LYN: variants seen among roughly 807,000 people sequenced by gnomAD.
LYN encodes the protein LYN proto-oncogene, Src family tyrosine kinase, also known as tyrosine-protein kinase Lyn.
Under a neutral mutation model 65.0 loss-of-function variants are expected in LYN, and 12 were observed. That is an observed-to-expected ratio of 0.18 (90% CI 0.12 to 0.30). The LOEUF (loss-of-function observed/expected upper bound fraction) is 0.30. LYN is among the 10% of genes least tolerant of loss of function. The probability of loss-of-function intolerance (pLI) is 1.00; values close to 1 mark genes in which losing one functional copy is unlikely to be tolerated. For missense variants in LYN, 380 were observed against 623.2 expected, an observed-to-expected ratio of 0.61 and a Z score of 4.16; for synonymous variants, 222 against 221.2, an observed-to-expected ratio of 1.00 and a Z score of -0.03.
intron 10 of LYN, among the ~76,000 whole-genome samples, chr8:55,993,719 G>A (rs1205160649): frequency 6.6e-6 from 1 of 152,108 alleles, no homozygotes; most frequent in Non-Finnish European, 1.5e-5. Context: ...TTCAATTAGT[G>A]GTGGGGAAAT....
chr8:56,012,923 C>G lies in LYN; in HGVS notation c.*2813C>G, dbSNP rs1808856363. ...CCTGGTGAACATGAAGCTCACTGAA[C>G]CTAAAGGAGACTCACAGGCTAGAAA... On this transcript the variant is annotated 3_prime_UTR_variant, in exon 13 of 13. Transcript: ENST00000519728. The G allele has an allele frequency of 6.6e-6, 1 of 152,114 alleles. No individual in the cohort carries two copies. The allele number at this position is 152,114 out of a possible 1,614,324, so 9.4% of individuals were successfully genotyped here.
intron 1 of LYN, among the ~76,000 whole-genome samples, chr8:55,914,160 GGGAAATAAGAGAAAGGCA>G (rs1805720098): frequency 6.6e-6 from 1 of 151,908 alleles, no homozygotes; most frequent in Non-Finnish European, 1.5e-5. Context: ...TGAATGGCAT[GGGAAATAAGAGAAAGGCA>G]GGCCAGGTCA....
chr8:56,007,158 T>G (rs537949842), intron 12 of LYN, among the ~76,000 whole-genome samples: 17 of 152,226 alleles, frequency 1.1e-4, no homozygotes, highest in African/African-American at 4.1e-4. Context: ...ATGAGGGATC[T>G]CCAGGAAGGA....
At chr8:55,976,123 A>G (rs991501717) in intron 10 of LYN, among the ~76,000 whole-genome samples, 3 of 152,140 alleles carry the variant, frequency 2.0e-5, no homozygotes, top group Non-Finnish European at 4.4e-5. Context: ...AGGAGTGGGC[A>G]GAGTTTATCA....
At chr8:55,906,733 AAAG>A (rs1451686295) in intron 1 of LYN, among the ~76,000 whole-genome samples, 6 of 144,860 alleles carry the variant, frequency 4.1e-5, no homozygotes, top group South Asian at 2.1e-4. Context: ...AAGAAAAAAA[AAAG>A]AGAGAGAGAG....
At chr8:55,910,101 G>T (rs1805557219) in intron 1 of LYN, among the ~76,000 whole-genome samples, 1 of 151,606 alleles carries the variant, frequency 6.6e-6, no homozygotes, top group Non-Finnish European at 1.5e-5. Context: ...CAGGTTGTCG[G>T]TTCATTCCTG....
chr8:55,963,149 G>T (rs1178404447), intron 8 of LYN, among the ~76,000 whole-genome samples: 1 of 152,212 alleles, frequency 6.6e-6, no homozygotes, highest in Non-Finnish European at 1.5e-5. Flanking sequence ...CCCAGTTTGG[G>T]CTGCTATGAA....
At chr8:55,935,210 G>GA (rs113196835) in intron 1 of LYN, among the ~76,000 whole-genome samples, 19,674 of 151,738 alleles carry the variant, frequency 0.13, 1,463 homozygotes, top group Middle Eastern at 0.29. Context: ...GTTGCCTAAA[G>GA]AAAAAAAACA....
intron 1 of LYN, among the ~76,000 whole-genome samples, chr8:55,925,950 C>T (rs1806098148): frequency 6.6e-6 from 1 of 152,108 alleles, no homozygotes; most frequent in Admixed American, 6.5e-5. Flanking sequence ...TTTAATATTG[C>T]TTCCAAACAT....
Position 56,009,957 on chromosome 8 carries a change from G to A in LYN, c.1386G>A (p.Met462Ile), listed in dbSNP as rs771766572. The change falls in exon 13 of 13, where the codon ATG becomes ATA. Residue 462 changes from methionine (M) to isoleucine (I), a missense_variant. By Grantham distance (10) the Met-to-Ile change is conservative. Coordinates refer to ENST00000519728, the MANE Select transcript of LYN (RefSeq NM_002350.4). ...VMTALSQGYR[M>I]PRVENCPDEL... ...CCGCCCTGTCCCAGGGCTACAGGAT[G>A]CCCCGTGTGGAGAACTGCCCAGATG... 1 of 1,614,024 alleles carries A rather than the reference G, an allele frequency of 6.2e-7. No homozygotes were observed. Among genetic ancestry groups the A allele is most frequent in the Non-Finnish European group, 8.5e-7 (1 of 1,179,890 alleles).
rs1563506745 is a variant in LYN, at chr8:55,911,274, TA to T, written c.-5-30580del. 3.0e-4 allele frequency among the ~76,000 whole-genome samples: 14 copies of T among 46,888 alleles called. 2 individuals carry two copies. Among genetic ancestry groups the T allele is most frequent in the African/African-American group, 9.7e-4 (14 of 14,372 alleles). The allele number at this position is 46,888 out of a possible 152,430, so 30.8% of individuals were successfully genotyped here. On this transcript the variant is annotated intron_variant, in intron 1 of 12. Coordinates refer to ENST00000519728, the MANE Select transcript of LYN (RefSeq NM_002350.4). The stretch of plus-strand genomic sequence containing the variant: ...GTGTGTGTGTATATATATATATATA[TA>T]TATATATATATTTTTTTTTTTTTTT...
intron 10 of LYN, among the ~76,000 whole-genome samples, chr8:55,979,560 G>A (rs1048869773): frequency 6.6e-6 from 1 of 152,158 alleles, no homozygotes; most frequent in Non-Finnish European, 1.5e-5. Flanking sequence ...ACAATGAGAA[G>A]CATCTAAAAA....
rs535588510 is a variant in LYN at position 55,935,728 on chromosome 8, C to G, written c.-5-6127C>G. ...CCCAGGAGGCAGAGGTTGCAGTGAG[C>G]CGAGATCGCACCACTGCACTCCAGC... On this transcript the variant is annotated intron_variant, in intron 1 of 12. Transcript: ENST00000519728. Among the ~76,000 whole-genome samples, 4 of 150,010 alleles carry G rather than the reference C, an allele frequency of 2.7e-5. No homozygotes were observed. In the East Asian group the frequency reaches 7.8e-4, roughly 29 times the overall value.
intron 8 of LYN, among the ~76,000 whole-genome samples, chr8:55,964,555 A>T (rs1807390739): frequency 6.6e-6 from 1 of 152,206 alleles, no homozygotes. Context: ...TTATTATTTA[A>T]AAAAATCATT....
chr8:55,907,221 T>C (rs1209982865), intron 1 of LYN, among the ~76,000 whole-genome samples: 1 of 152,214 alleles, frequency 6.6e-6, no homozygotes. Context: ...CAAAACATTT[T>C]GATATATTCA....
intron 1 of LYN, among the ~76,000 whole-genome samples, chr8:55,926,546 T>C (rs16922415): frequency 0.067 from 10,133 of 152,296 alleles, 480 homozygotes; most frequent in African/African-American, 0.13. Flanking sequence ...AGTTATTTTC[T>C]GAACCTAAAA....
At chr8:55,966,681 T>C (rs1338662108) in intron 8 of LYN, 34 bp from the exon 9 acceptor site, 1 of 1,599,346 alleles carries the variant, frequency 6.3e-7, no homozygotes. Context: ...TTTTCTGTTT[T>C]ATAAAGCATG....
At chr8:55,973,424 T>G (rs940898875) in intron 10 of LYN, among the ~76,000 whole-genome samples, 2 of 152,218 alleles carry the variant, frequency 1.3e-5, no homozygotes, top group Non-Finnish European at 2.9e-5. Context: ...TTAGTGCTTT[T>G]TGTGCTGAAA....
At chr8:55,991,192 T>C (rs1808238479) in intron 10 of LYN, among the ~76,000 whole-genome samples, 1 of 152,182 alleles carries the variant, frequency 6.6e-6, no homozygotes, top group Non-Finnish European at 1.5e-5. Flanking sequence ...AGTGGCACCT[T>C]TTCTCACCTG....
Sources: gnomAD v4.1 joint callset for allele counts (sites outside exome capture counted in the v4.1 genomes callset) on GRCh38, gnomAD v4.1.1 for gene constraint, MANE v1.5 for transcripts, NCBI Gene and HGNC (gene_info 2026-07-23, HGNC 2026-07-21) for gene names.